RIT2: variants seen among roughly 807,000 people sequenced by gnomAD.
RIT2 encodes Ras like without CAAX 2, also known as GTP-binding protein Rit2.
In RIT2, 24 loss-of-function variants were observed where a neutral mutation model predicts 23.7. The ratio of observed to expected loss-of-function variants is 1.01; its 90% CI spans 0.73 to 1.43. The LOEUF (loss-of-function observed/expected upper bound fraction) is 1.43, where lower values mean the gene tolerates loss of function less well. RIT2 is among the 40% of genes most tolerant of loss of function. RIT2 has a pLI of 0.00. For missense variants in RIT2, 236 were observed against 266.9 expected (o/e 0.88, Z 0.81); for synonymous variants, 107 against 91.1 (o/e 1.17, Z -0.99).
rs553537562 is a variant in RIT2 at position 42,809,889 on chromosome 18, TTA to T, written c.427-66171_427-66170del. 2.7e-4 allele frequency among the ~76,000 whole-genome samples: 39 copies of T among 143,280 alleles called. No individual in the cohort carries two copies. In the South Asian group the frequency reaches 7.2e-3, roughly 26 times the overall value. The allele number at this position is 143,280 out of a possible 152,430, so 94.0% of individuals were successfully genotyped here. A position where few individuals can be genotyped will look rare whatever the true frequency, so the allele number is the denominator to read the frequency against. The stretch of plus-strand genomic sequence containing the variant: ...ATAATATATATAATTTGTATATATG[TTA>T]TATATATTATATATAATATATATAA... On this transcript the variant is annotated intron_variant, in intron 4 of 4. Coordinates refer to ENST00000326695, the MANE Select transcript of RIT2 (RefSeq NM_002930.4).
intron 4 of RIT2, among the ~76,000 whole-genome samples, chr18:42,911,923 T>G (rs1276165219): frequency 6.6e-6 from 1 of 151,912 alleles, no homozygotes; most frequent in Non-Finnish European, 1.5e-5. Context: ...GAATACTTCC[T>G]AATTCATATT....
intron 2 of RIT2, among the ~76,000 whole-genome samples, chr18:43,005,964 G>A (rs1911218037): frequency 6.6e-6 from 1 of 151,686 alleles, no homozygotes; most frequent in Non-Finnish European, 1.5e-5. Flanking sequence ...AGATGGTGAA[G>A]TAGAAAGCTC....
intron 4 of RIT2, among the ~76,000 whole-genome samples, chr18:42,912,199 C>A (rs185178707): frequency 6.6e-6 from 1 of 150,918 alleles, no homozygotes; most frequent in Non-Finnish European, 1.5e-5. Context: ...ATATCATTTA[C>A]TACAGAAAAA....
intron 2 of RIT2, among the ~76,000 whole-genome samples, chr18:42,992,513 T>C (rs1050751209): frequency 6.6e-6 from 1 of 152,056 alleles, no homozygotes; most frequent in Non-Finnish European, 1.5e-5. Context: ...ACCTTCCTTT[T>C]CTACAGACCC....
At chr18:42,900,591 C>T (rs1908449705) in intron 4 of RIT2, among the ~76,000 whole-genome samples, 1 of 151,926 alleles carries the variant, frequency 6.6e-6, no homozygotes, top group Non-Finnish European at 1.5e-5. Flanking sequence ...AGCATCATAC[C>T]ATCACATCCC....
At chr18:42,852,337 A>G (rs1270504027) in intron 4 of RIT2, among the ~76,000 whole-genome samples, 4 of 152,228 alleles carry the variant, frequency 2.6e-5, no homozygotes, top group African/African-American at 9.6e-5. Context: ...AGGTAGTAAG[A>G]AAGACAATAA....
chr18:43,110,109 T>C (rs1212820510), intron 1 of RIT2, among the ~76,000 whole-genome samples: 1 of 152,118 alleles, frequency 6.6e-6, no homozygotes, highest in East Asian at 1.9e-4. Flanking sequence ...TAAAATGTTA[T>C]TTTTACCCCA....
At chr18:42,862,714 G>T (rs1050251506) in intron 4 of RIT2, among the ~76,000 whole-genome samples, 1 of 152,154 alleles carries the variant, frequency 6.6e-6, no homozygotes, top group South Asian at 2.1e-4. Flanking sequence ...TACGCATCAT[G>T]CATTACACTT....
intron 2 of RIT2, among the ~76,000 whole-genome samples, chr18:43,017,997 A>T (rs1911512589): frequency 6.6e-6 from 1 of 152,092 alleles, no homozygotes; most frequent in African/African-American, 2.4e-5. Context: ...AGTAGACTGC[A>T]GTGTTACTAA....
chr18:42,860,987 A>G (rs1907312108), intron 4 of RIT2, among the ~76,000 whole-genome samples: 2 of 152,200 alleles, frequency 1.3e-5, no homozygotes, highest in Non-Finnish European at 2.9e-5. Flanking sequence ...GTGTTTCTGT[A>G]TCACACATTA....
At chr18:43,067,249 C>T (rs1426236106) in intron 1 of RIT2, among the ~76,000 whole-genome samples, 4 of 152,024 alleles carry the variant, frequency 2.6e-5, no homozygotes, top group Non-Finnish European at 5.9e-5. Flanking sequence ...TATTATATTT[C>T]CAGCTTATTG....
intron 4 of RIT2, among the ~76,000 whole-genome samples, chr18:42,863,298 G>C (rs891714989): frequency 6.6e-5 from 10 of 152,122 alleles, no homozygotes; most frequent in African/African-American, 2.4e-4. Flanking sequence ...GGGTATGTAG[G>C]TGTGTATATG....
rs181374454 is a variant in RIT2 at position 42,996,876 on chromosome 18, C to T, written c.161-22729G>A. Among the ~76,000 whole-genome samples the T allele has an allele frequency of 5.3e-4, 81 of 152,290 alleles. No individual in the cohort carries two copies. In the East Asian group the frequency reaches 0.013, roughly 25 times the overall value. On this transcript the variant is annotated intron_variant, in intron 2 of 4. Coordinates refer to ENST00000326695, the MANE Select transcript of RIT2 (RefSeq NM_002930.4). ...AGAAGACTTGAGTTTGGACACTCAA[C>T]AACCTGGTCATCCCTATGAAAACTG...
chr18:42,823,453 C>G (rs1427859984), intron 4 of RIT2, among the ~76,000 whole-genome samples: 3 of 152,062 alleles, frequency 2.0e-5, no homozygotes, highest in African/African-American at 7.2e-5. Context: ...GTGCAGAGAA[C>G]TTTGATAAAA....
Position 42,851,418 on chromosome 18 carries a change from AAC to A in RIT2, c.426+72152_426+72153del, listed in dbSNP as rs145568926. 4.4e-3 allele frequency among the ~76,000 whole-genome samples: 664 copies of A among 152,364 alleles called. 3 individuals are homozygous for A. The highest frequency in any genetic ancestry group is 0.015 in the African/African-American group (640 of 41,586). The stretch of plus-strand genomic sequence containing the variant: ...GAAGCAAAACAAGACAAAAGCAACA[AAC>A]ACAGAAAAATGTGGAGGATTCTCAA... On this transcript the variant is annotated intron_variant, in intron 4 of 4. Transcript: ENST00000326695.
chr18:42,759,783 A>T (rs1387875655), intron 4 of RIT2, among the ~76,000 whole-genome samples: 1 of 148,532 alleles, frequency 6.7e-6, no homozygotes, highest in African/African-American at 2.5e-5. Context: ...ATATATATAA[A>T]TTTTTTTTTC....
At chr18:42,765,332 G>A (rs946321113) in intron 4 of RIT2, among the ~76,000 whole-genome samples, 1 of 152,170 alleles carries the variant, frequency 6.6e-6, no homozygotes, top group African/African-American at 2.4e-5. Context: ...CTTGGAACAT[G>A]TCATTATCTT....
intron 2 of RIT2, among the ~76,000 whole-genome samples, chr18:43,019,079 C>T (rs909001783): frequency 6.6e-6 from 1 of 151,818 alleles, no homozygotes; most frequent in African/African-American, 2.4e-5. Context: ...ATTAAATTTT[C>T]CACTTAAAAG....
chr18:43,015,415 T>A (rs1280809693), intron 2 of RIT2, among the ~76,000 whole-genome samples: 2 of 151,524 alleles, frequency 1.3e-5, no homozygotes, highest in Non-Finnish European at 3.0e-5. Flanking sequence ...AGTGGTAAAA[T>A]TTGAGATAAG....
Sources: gnomAD v4.1 joint callset for allele counts (sites outside exome capture counted in the v4.1 genomes callset) on GRCh38, gnomAD v4.1.1 for gene constraint, MANE v1.5 for transcripts, NCBI Gene and HGNC (gene_info 2026-07-23, HGNC 2026-07-21) for gene names.